Variants in TENM2 observed in about 807,000 individuals in gnomAD.
TENM2 encodes teneurin-2.
In TENM2, 52 loss-of-function variants were observed where a neutral mutation model predicts 245.2. That is an observed-to-expected ratio of 0.21 (90% CI 0.17 to 0.27). The LOEUF (loss-of-function observed/expected upper bound fraction) is 0.27. Ranked by LOEUF, TENM2 falls within the 10% of genes least tolerant of loss-of-function variation. The pLI is 1.00. For synonymous variants in TENM2, 1,363 were observed against 1,438.9 expected (o/e 0.95, Z 1.19); for missense variants, 3,046 against 3,666.8 (o/e 0.83, Z 4.37).
chr5:167,228,735 C>T, the TENM2 span, among the ~76,000 whole-genome samples: 131 of 149,936 alleles, frequency 8.7e-4, no homozygotes, highest in East Asian at 2.0e-3. Context: ...GATGGAGTCT[C>T]GCTCTGTCGC....
At chr5:167,410,434 C>G (rs534418786) in intron 2 of TENM2, among the ~76,000 whole-genome samples, 1 of 152,000 alleles carries the variant, frequency 6.6e-6, no homozygotes, top group Admixed American at 6.6e-5. Flanking sequence ...ACATAAAAAT[C>G]TTCTTTGCAG....
At chr5:167,991,822 G>A (rs960443669) in intron 4 of TENM2, among the ~76,000 whole-genome samples, 6 of 152,150 alleles carry the variant, frequency 3.9e-5, no homozygotes, top group African/African-American at 1.4e-4. Flanking sequence ...GACAGTGTAG[G>A]GTAAAATGTC....
chr5:167,622,224 TGAGGGAG>T (rs1778220416), intron 2 of TENM2, among the ~76,000 whole-genome samples: 2 of 152,158 alleles, frequency 1.3e-5, no homozygotes, highest in Non-Finnish European at 2.9e-5. Context: ...GCAGCTTGGC[TGAGGGAG>T]ACATGATGAG....
intron 2 of TENM2, among the ~76,000 whole-genome samples, chr5:167,621,786 A>G (rs1778193710): frequency 6.6e-6 from 1 of 152,146 alleles, no homozygotes; most frequent in Non-Finnish European, 1.5e-5. Context: ...CACCTGCATC[A>G]CAGTCATTTA....
At chr5:167,777,455 C>A (rs548324067) in intron 2 of TENM2, among the ~76,000 whole-genome samples, 2 of 152,112 alleles carry the variant, frequency 1.3e-5, no homozygotes, top group African/African-American at 4.8e-5. Flanking sequence ...TAGCACTGTG[C>A]TATTTGATCC....
At chr5:167,179,176 A>G in the TENM2 span, among the ~76,000 whole-genome samples, 3 of 152,156 alleles carry the variant, frequency 2.0e-5, no homozygotes, top group African/African-American at 7.2e-5. Context: ...TTTAATTGGC[A>G]CTGTCCTCAT....
chr5:167,368,163 GA>G (rs1019080218), intron 1 of TENM2, among the ~76,000 whole-genome samples: 4 of 151,920 alleles, frequency 2.6e-5, no homozygotes, highest in Middle Eastern at 3.4e-3. Context: ...ACTGTATCTT[GA>G]AAAAAATAAA....
At chr5:168,010,711 T>C (rs1391658805) in intron 5 of TENM2, among the ~76,000 whole-genome samples, 1 of 152,248 alleles carries the variant, frequency 6.6e-6, no homozygotes, top group Non-Finnish European at 1.5e-5. Context: ...TTGGAAGTCG[T>C]GGAGAATGAG....
intron 2 of TENM2, among the ~76,000 whole-genome samples, chr5:167,708,680 T>C (rs1242070947): frequency 6.6e-6 from 1 of 152,120 alleles, no homozygotes; most frequent in East Asian, 1.9e-4. Context: ...CTGTTTGGAT[T>C]TGAGGCCTCC....
the TENM2 span, among the ~76,000 whole-genome samples, chr5:167,027,439 A>G: frequency 6.6e-6 from 1 of 152,230 alleles, no homozygotes; most frequent in Admixed American, 6.5e-5. Flanking sequence ...TGAAATGCTT[A>G]TCTATTAGCA....
At chr5:168,068,631 T>C (rs1255316961) in intron 7 of TENM2, among the ~76,000 whole-genome samples, 1 of 151,912 alleles carries the variant, frequency 6.6e-6, no homozygotes, top group African/African-American at 2.4e-5. Context: ...CTAGGAACAG[T>C]CAAGAAGAAT....
chr5:167,960,938 C>T (rs945062287), intron 4 of TENM2, among the ~76,000 whole-genome samples: 14 of 152,232 alleles, frequency 9.2e-5, no homozygotes, highest in Non-Finnish European at 2.1e-4. Flanking sequence ...CACAGCTTCC[C>T]TTGGCTAGAG....
the TENM2 span, among the ~76,000 whole-genome samples, chr5:167,156,434 G>A: frequency 1.2e-4 from 19 of 152,232 alleles, no homozygotes; most frequent in East Asian, 1.2e-3. Flanking sequence ...TTAAAAATAC[G>A]TATTTGCCTC....
intron 9 of TENM2, among the ~76,000 whole-genome samples, chr5:168,103,250 G>C (rs1010313776): frequency 1.3e-5 from 2 of 152,186 alleles, no homozygotes; most frequent in African/African-American, 4.8e-5. Flanking sequence ...TTGCAGACAA[G>C]CTGCACAGAT....
At chr5:167,179,580 A>G in the TENM2 span, among the ~76,000 whole-genome samples, 1 of 151,794 alleles carries the variant, frequency 6.6e-6, no homozygotes, top group Non-Finnish European at 1.5e-5. Flanking sequence ...CTTGAGCCCC[A>G]CCCCCGCAAC....
chr5:167,493,649 T>C (rs1365440880), intron 2 of TENM2, among the ~76,000 whole-genome samples: 2 of 152,122 alleles, frequency 1.3e-5, no homozygotes, highest in East Asian at 3.9e-4. Context: ...GTGAATTACA[T>C]GATATCTTAG....
intron 2 of TENM2, among the ~76,000 whole-genome samples, chr5:167,706,743 G>C (rs574616564): frequency 6.6e-6 from 1 of 151,556 alleles, no homozygotes; most frequent in African/African-American, 2.4e-5. Context: ...GGCCGGGCGC[G>C]GTGGCTCACG....
chr5:167,453,421 T>C (rs1370113044), intron 2 of TENM2, among the ~76,000 whole-genome samples: 1 of 152,124 alleles, frequency 6.6e-6, no homozygotes, highest in African/African-American at 2.4e-5. Context: ...AAGACTTACT[T>C]GTCCCTTTCC....
chr5:167,621,540 C>T (rs1463137921), intron 2 of TENM2, among the ~76,000 whole-genome samples: 1 of 152,116 alleles, frequency 6.6e-6, no homozygotes, highest in Non-Finnish European at 1.5e-5. Flanking sequence ...ACCATTACTT[C>T]ACTGCCTGCA....
Sources: gnomAD v4.1 joint callset for allele counts (sites outside exome capture counted in the v4.1 genomes callset) on GRCh38, gnomAD v4.1.1 for gene constraint, MANE v1.5 for transcripts, NCBI Gene and HGNC (gene_info 2026-07-23, HGNC 2026-07-21) for gene names.